Variants in PYHIN1 observed in about 807,000 individuals in gnomAD.
PYHIN1 encodes the protein pyrin and HIN domain family member 1.
Under a neutral mutation model 43.7 loss-of-function variants are expected in PYHIN1, and 32 were observed. The observed-to-expected ratio is 0.73, with a 90% CI of 0.55 to 0.98. The LOEUF is 0.98. Ranked by LOEUF, PYHIN1 falls within the 50% of genes least tolerant of loss-of-function variation. PYHIN1 has a pLI of 0.00. For missense variants in PYHIN1, 588 were observed against 589.5 expected (o/e 1.00, Z 0.03); for synonymous variants, 205 against 203.1 (o/e 1.01, Z -0.08).
At chr1:158,986,883 T>C in the PYHIN1 span, among the ~76,000 whole-genome samples, 1 of 152,206 alleles carries the variant, frequency 6.6e-6, no homozygotes, top group Non-Finnish European at 1.5e-5. Flanking sequence ...TTATGGGATC[T>C]CCTACAGCTA....
chr1:158,948,691 C>T (rs188011941), intron 7 of PYHIN1, among the ~76,000 whole-genome samples: 1 of 152,338 alleles, frequency 6.6e-6, no homozygotes, highest in South Asian at 2.1e-4. Context: ...GCCAGGATGA[C>T]TATGGCTGAG....
At chr1:158,959,653 C>A (rs763219881) in intron 7 of PYHIN1, among the ~76,000 whole-genome samples, 19 of 152,160 alleles carry the variant, frequency 1.2e-4, no homozygotes, top group Non-Finnish European at 1.9e-4. Context: ...CAGGTACCCA[C>A]GTTTCAGATT....
chr1:158,963,428 TAAG>T (rs1276494679), intron 7 of PYHIN1, among the ~76,000 whole-genome samples: 1 of 151,828 alleles, frequency 6.6e-6, no homozygotes, highest in Non-Finnish European at 1.5e-5. Context: ...TAACCACTGC[TAAG>T]GTTTCTTCTG....
In PYHIN1 at chr1:158,933,306, A is replaced by G. The variant is rs1195725928; in HGVS notation, c.-21+1530A>G. ...TAAATATATTATATAACATTATATT[A>G]TCATGAAGGACTATACAATAATGAA... is the stretch of plus-strand genomic sequence containing the variant. On this transcript the variant is annotated intron_variant, in intron 1 of 8. Coordinates refer to ENST00000368140, the MANE Select transcript of PYHIN1 (RefSeq NM_152501.5). The surrounding 1 kb of genome is among the most constrained non-coding windows in gnomAD (Gnocchi z 6.3). Among the ~76,000 whole-genome samples, 9 of 151,382 alleles carry G rather than the reference A, an allele frequency of 5.9e-5. No homozygotes were observed. The highest frequency in any genetic ancestry group is 2.2e-4 in the African/African-American group (9 of 41,340).
chr1:158,948,637 T>C (rs1454126634), intron 7 of PYHIN1, among the ~76,000 whole-genome samples: 1 of 152,198 alleles, frequency 6.6e-6, no homozygotes, highest in East Asian at 1.9e-4. Flanking sequence ...AAAGCAGCTG[T>C]TTGTACTGAT....
chr1:158,953,620 C>T (rs909300244), intron 7 of PYHIN1, among the ~76,000 whole-genome samples: 1 of 151,886 alleles, frequency 6.6e-6, no homozygotes, highest in African/African-American at 2.4e-5. Flanking sequence ...TCATCAAAGA[C>T]CAAAAGTAGA....
At chr1:158,955,496 A>G (rs547420575) in intron 7 of PYHIN1, among the ~76,000 whole-genome samples, 175 of 152,220 alleles carry the variant, frequency 1.1e-3, no homozygotes, top group African/African-American at 4.0e-3. Flanking sequence ...CTGCTCCTGA[A>G]TGACTACTGG....
In PYHIN1 at chr1:158,959,585, A is replaced by G. The variant is rs559765745; in HGVS notation, c.1360-14062A>G. On this transcript the variant is annotated intron_variant, in intron 7 of 8. Coordinates refer to ENST00000368140, the MANE Select transcript of PYHIN1 (RefSeq NM_152501.5). ...TTTTACAAAACCTTCCGGCCTTCCAAGAAGATTTGTTATAACTTCATCTTA... is the reference window on the plus strand; with the variant it reads ...TTTTACAAAACCTTCCGGCCTTCCAGGAAGATTTGTTATAACTTCATCTTA... Among the ~76,000 whole-genome samples the G allele has an allele frequency of 1.6e-4, 24 of 152,362 alleles. No homozygotes were observed. The South Asian group carries it at 4.3e-3, about 28-fold the overall frequency.
Position 158,943,761 on chromosome 1 carries a change from A to C in PYHIN1, c.1003-29A>C, listed in dbSNP as rs750091518. 8.3e-6 allele frequency: 13 copies of C among 1,561,030 alleles called. No homozygotes were observed. The South Asian group carries it at 1.4e-4, about 16-fold the overall frequency. On this transcript the variant is annotated intron_variant, in intron 5 of 8. Coordinates refer to ENST00000368140, the MANE Select transcript of PYHIN1 (RefSeq NM_152501.5). ...TATGCACGGTAGTTACTATGTTCTC[A>C]CAAACATGATATTAATTTTTTGTTG...
chr1:158,938,816 C>G (rs1257385926), intron 3 of PYHIN1, among the ~76,000 whole-genome samples: 1 of 152,098 alleles, frequency 6.6e-6, no homozygotes, highest in African/African-American at 2.4e-5. Context: ...AAACGTTTGC[C>G]TATGTTTACA....
chr1:158,969,768 A>T (rs1252762161), intron 7 of PYHIN1, among the ~76,000 whole-genome samples: 1 of 152,030 alleles, frequency 6.6e-6, no homozygotes, highest in Non-Finnish European at 1.5e-5. Flanking sequence ...CTTAGACAAA[A>T]TGGAGTGACA....
intron 7 of PYHIN1, among the ~76,000 whole-genome samples, chr1:158,966,663 C>T (rs540416641): frequency 6.6e-6 from 1 of 152,124 alleles, no homozygotes; most frequent in South Asian, 2.1e-4. Flanking sequence ...ATGCAACATC[C>T]CTTCATGTTA....
intron 2 of PYHIN1, 76 bp from the exon 3 acceptor site, chr1:158,938,321 A>C: frequency 6.7e-7 from 1 of 1,499,070 alleles, no homozygotes; most frequent in Non-Finnish European, 9.2e-7. Context: ...AGCTAAGAGC[A>C]AATAGTATTG....
chr1:158,932,149 G>A (rs751380756), intron 1 of PYHIN1, among the ~76,000 whole-genome samples: 3 of 152,102 alleles, frequency 2.0e-5, no homozygotes, highest in Non-Finnish European at 4.4e-5. Flanking sequence ...AGTATTCCAC[G>A]CTGTATATGC....
intron 7 of PYHIN1, among the ~76,000 whole-genome samples, chr1:158,954,707 C>A (rs957922622): frequency 1.3e-5 from 2 of 149,188 alleles, no homozygotes; most frequent in Admixed American, 6.7e-5. Flanking sequence ...CGAGCAAAAT[C>A]ACCAGCTAAC....
intron 6 of PYHIN1, 106 bp downstream of exon 6, chr1:158,944,084 T>C: frequency 2.3e-6 from 2 of 873,170 alleles, no homozygotes; most frequent in Non-Finnish European, 3.3e-6. Context: ...TTCTGCAGAG[T>C]TCATGAGAAA....
At chr1:158,948,357 T>C (rs975957016) in intron 7 of PYHIN1, among the ~76,000 whole-genome samples, 10 of 152,206 alleles carry the variant, frequency 6.6e-5, no homozygotes, top group African/African-American at 2.4e-4. Context: ...TTGCTTTATG[T>C]CTGCTGCCAA....
chr1:158,937,319 C>A (rs1360582247), intron 2 of PYHIN1, 144 bp downstream of exon 2: 4 of 860,016 alleles, frequency 4.7e-6, no homozygotes, highest in Non-Finnish European at 7.0e-6. Context: ...ACTTCAGATG[C>A]CAACAAGTTG....
At chr1:158,962,128 G>A (rs556705723) in intron 7 of PYHIN1, among the ~76,000 whole-genome samples, 1 of 152,272 alleles carries the variant, frequency 6.6e-6, no homozygotes, top group South Asian at 2.1e-4. Flanking sequence ...GGTGATTAGG[G>A]ACTGGCTGGA....
Sources: gnomAD v4.1 joint callset for allele counts (sites outside exome capture counted in the v4.1 genomes callset) on GRCh38, gnomAD v4.1.1 for gene constraint, Gnocchi (gnomAD v3.1) non-coding constraint, MANE v1.5 for transcripts, NCBI Gene and HGNC (gene_info 2026-07-23, HGNC 2026-07-21) for gene names.